Variants in COMMD10 observed in about 807,000 individuals in gnomAD.
COMMD10 encodes COMM domain containing 10, also known as COMM domain-containing protein 10.
A neutral mutation model predicts 28.9 loss-of-function variants in COMMD10; 33 were observed. That is an observed-to-expected ratio of 1.14 (90% CI 0.87 to 1.53). COMMD10 has a LOEUF of 1.53. Ranked by LOEUF, COMMD10 falls within the 40% of genes most tolerant of loss-of-function variation. The pLI is 0.00. For missense variants in COMMD10, 310 were observed against 233.4 expected, an observed-to-expected ratio of 1.33 and a Z score of -2.14; for synonymous variants, 110 against 81.7, an observed-to-expected ratio of 1.35 and a Z score of -1.87.
intron 5 of COMMD10, among the ~76,000 whole-genome samples, chr5:116,153,942 C>T (rs1024641503): frequency 1.3e-5 from 2 of 151,906 alleles, no homozygotes; most frequent in Non-Finnish European, 2.9e-5. Context: ...ACTTAGAATA[C>T]TAGAGAATTA....
At chr5:116,156,202 A>G (rs1752702924) in intron 5 of COMMD10, among the ~76,000 whole-genome samples, 1 of 152,132 alleles carries the variant, frequency 6.6e-6, no homozygotes, top group Non-Finnish European at 1.5e-5. Context: ...ATAATAGAGA[A>G]TAAGGTGAAG....
chr5:116,239,378 A>G (rs1269561001), intron 5 of COMMD10, among the ~76,000 whole-genome samples: 3 of 152,192 alleles, frequency 2.0e-5, no homozygotes, highest in Admixed American at 1.3e-4. Context: ...GCCATAATCA[A>G]TGGATACTGA....
At chr5:116,275,265 A>C (rs1174264886) in intron 5 of COMMD10, among the ~76,000 whole-genome samples, 1 of 151,876 alleles carries the variant, frequency 6.6e-6, no homozygotes, top group Non-Finnish European at 1.5e-5. Context: ...AGTTCAAGCC[A>C]CCATCATCAC....
intron 5 of COMMD10, among the ~76,000 whole-genome samples, chr5:116,196,267 G>C (rs190305315): frequency 6.6e-6 from 1 of 152,116 alleles, no homozygotes; most frequent in African/African-American, 2.4e-5. Flanking sequence ...ACCATTGTGC[G>C]TTCTCACTGT....
Position 116,292,895 on chromosome 5 carries a change from A to C in COMMD10, c.*406A>C. On this transcript the variant is annotated 3_prime_UTR_variant, in exon 7 of 7. Coordinates refer to ENST00000274458, the MANE Select transcript of COMMD10 (RefSeq NM_016144.4). Reference sequence around the variant, plus strand: ...TAGAATACAGAGCTTTGGTAATTACATGAATAAAATTAAGAAAATAGCCAT... The same window carrying C: ...TAGAATACAGAGCTTTGGTAATTACCTGAATAAAATTAAGAAAATAGCCAT... 1 of 394,818 alleles carries C rather than the reference A, an allele frequency of 2.5e-6. No individual in the cohort carries two copies. Among genetic ancestry groups the C allele is most frequent in the East Asian group, 3.6e-5 (1 of 27,820 alleles). The allele number at this position is 394,818 out of a possible 1,614,324, so 24.5% of individuals were successfully genotyped here.
intron 4 of COMMD10, among the ~76,000 whole-genome samples, chr5:116,120,540 C>T (rs1243755736): frequency 6.6e-6 from 1 of 152,076 alleles, no homozygotes; most frequent in Non-Finnish European, 1.5e-5. Flanking sequence ...AGAGTATTTT[C>T]ATTACCCTCA....
At chr5:116,098,716 A>T (rs2136213) in intron 4 of COMMD10, among the ~76,000 whole-genome samples, 16,965 of 152,212 alleles carry the variant, frequency 0.11, 1,378 homozygotes, top group African/African-American at 0.22. Context: ...TACTGAGGAA[A>T]GACTGTGATT....
At chr5:116,227,711 G>A (rs1271611328) in intron 5 of COMMD10, among the ~76,000 whole-genome samples, 1 of 151,978 alleles carries the variant, frequency 6.6e-6, no homozygotes, top group Admixed American at 6.6e-5. Context: ...GACTTGATTG[G>A]TGATGCCGAG....
chr5:116,150,267 G>T (rs1264931153), intron 5 of COMMD10, among the ~76,000 whole-genome samples: 1 of 152,136 alleles, frequency 6.6e-6, no homozygotes, highest in African/African-American at 2.4e-5. Context: ...TAGCCTTGTA[G>T]TATAGTTTGA....
At chr5:116,182,842 G>C (rs1386876880) in intron 5 of COMMD10, among the ~76,000 whole-genome samples, 1 of 152,110 alleles carries the variant, frequency 6.6e-6, no homozygotes, top group Non-Finnish European at 1.5e-5. Flanking sequence ...CCAAGTAGAT[G>C]TAATTGGATC....
intron 5 of COMMD10, among the ~76,000 whole-genome samples, chr5:116,200,885 C>T (rs1216176365): frequency 6.6e-6 from 1 of 152,094 alleles, no homozygotes; most frequent in Non-Finnish European, 1.5e-5. Flanking sequence ...ACATCCCTGC[C>T]ATAGCTGTGT....
At chr5:116,108,751 ACTC>A (rs1353258481) in intron 4 of COMMD10, among the ~76,000 whole-genome samples, 1 of 145,528 alleles carries the variant, frequency 6.9e-6, no homozygotes, top group Non-Finnish European at 1.5e-5. Flanking sequence ...AAACAAACAA[ACTC>A]CTGCAGCTAG....
rs1212883869 is a variant in COMMD10, at chr5:116,167,351, G to A, written c.510+33173G>A. Among the ~76,000 whole-genome samples the A allele has an allele frequency of 4.6e-5, 7 of 152,108 alleles. No individual in the cohort carries two copies. In the East Asian group the frequency reaches 1.2e-3, roughly 25 times the overall value. Reference sequence around the variant, plus strand: ...CAGGAAATATGGGACTATGTGAAAAGACCAAACCTGTGTTTGATTGGTGTA... The same window carrying A: ...CAGGAAATATGGGACTATGTGAAAAAACCAAACCTGTGTTTGATTGGTGTA... On this transcript the variant is annotated intron_variant, in intron 5 of 6. Transcript: ENST00000274458.
chr5:116,167,655 A>G (rs535518167), intron 5 of COMMD10, among the ~76,000 whole-genome samples: 1 of 152,326 alleles, frequency 6.6e-6, no homozygotes, highest in South Asian at 2.1e-4. Context: ...CCTACAAGCC[A>G]GAAGAGAGTG....
chr5:116,280,653 G>A (rs1382344), intron 5 of COMMD10, among the ~76,000 whole-genome samples: 75,730 of 151,648 alleles, frequency 0.5, 22,018 homozygotes, highest in Non-Finnish European at 0.65. Flanking sequence ...TGACAAAAAT[G>A]ACTAACAGTT....
chr5:116,143,468 C>T (rs879032644), intron 5 of COMMD10, among the ~76,000 whole-genome samples: 1 of 151,704 alleles, frequency 6.6e-6, no homozygotes, highest in Non-Finnish European at 1.5e-5. Flanking sequence ...TACTAAAATT[C>T]TTTTAAAAAT....
At position 116,243,392 on chromosome 5, in the gene COMMD10, T is replaced by C. The variant is rs149953010; in HGVS notation, c.511-48125T>C. ...GTATCTTACATCCACTGCCAGAAAATATCACCCCAGAAGTGAAAATTTACA... is the reference window on the plus strand; with the variant it reads ...GTATCTTACATCCACTGCCAGAAAACATCACCCCAGAAGTGAAAATTTACA... On this transcript the variant is annotated intron_variant, in intron 5 of 6. Coordinates refer to ENST00000274458, the MANE Select transcript of COMMD10 (RefSeq NM_016144.4). 2.6e-3 allele frequency among the ~76,000 whole-genome samples: 393 copies of C among 152,192 alleles called. 1 individual carries two copies. Among genetic ancestry groups the C allele is most frequent in the Non-Finnish European group, 4.4e-3 (301 of 67,978 alleles).
At chr5:116,233,943 C>G (rs1225392522) in intron 5 of COMMD10, among the ~76,000 whole-genome samples, 1 of 152,026 alleles carries the variant, frequency 6.6e-6, no homozygotes, top group Non-Finnish European at 1.5e-5. Context: ...CTAGAAGAAT[C>G]CTTGATAACT....
At chr5:116,193,289 C>G (rs1001967980) in intron 5 of COMMD10, among the ~76,000 whole-genome samples, 2 of 152,108 alleles carry the variant, frequency 1.3e-5, no homozygotes, top group Non-Finnish European at 2.9e-5. Context: ...CAACAAAGAG[C>G]CGGATGAATG....
Sources: allele counts gnomAD v4.1 joint callset (sites outside exome capture counted in the v4.1 genomes callset), GRCh38; gene constraint gnomAD v4.1.1; transcripts MANE v1.5; gene names NCBI Gene and HGNC (gene_info 2026-07-23, HGNC 2026-07-21).